Variants in SHANK2 observed in about 807,000 individuals in gnomAD.
SHANK2 encodes the protein SH3 and multiple ankyrin repeat domains 2.
In SHANK2, 43 loss-of-function variants were observed where a neutral mutation model predicts 133.7. The ratio of observed to expected loss-of-function variants is 0.32; its 90% CI spans 0.25 to 0.41. SHANK2 has a LOEUF of 0.41. SHANK2 is among the 10% of genes least tolerant of loss of function. SHANK2 has a pLI of 1.00. For missense variants in SHANK2, 1,994 were observed against 2,235.8 expected (o/e 0.89, Z 2.18); for synonymous variants, 1,017 against 952.8 (o/e 1.07, Z -1.24).
At chr11:70,891,868 A>G (rs1270449423) in intron 11 of SHANK2, among the ~76,000 whole-genome samples, 2 of 152,198 alleles carry the variant, frequency 1.3e-5, no homozygotes, top group Admixed American at 1.3e-4. Flanking sequence ...TGGGTGAGAA[A>G]TGCCACAGAA....
At chr11:70,698,807 T>C in intron 14 of SHANK2, 44 bp from the exon 15 acceptor site, 1 of 718,212 alleles carries the variant, frequency 1.4e-6, no homozygotes, top group Non-Finnish European at 2.6e-6. Flanking sequence ...AAAGTCATGG[T>C]CCCCGAACGC....
chr11:71,129,223 G>A (rs781845784), intron 3 of SHANK2, among the ~76,000 whole-genome samples: 6 of 152,202 alleles, frequency 3.9e-5, no homozygotes, highest in Admixed American at 2.0e-4. Context: ...ACTTCACAGC[G>A]GGGCTGACGG....
intron 15 of SHANK2, among the ~76,000 whole-genome samples, chr11:70,684,135 G>T (rs1945092620): frequency 6.6e-6 from 1 of 152,022 alleles, no homozygotes; most frequent in African/African-American, 2.4e-5. Context: ...GAGAGACCTG[G>T]GTCCCTGTCC....
chr11:70,504,489 G>A (rs941475881), intron 17 of SHANK2, among the ~76,000 whole-genome samples: 1 of 150,652 alleles, frequency 6.6e-6, no homozygotes, highest in Non-Finnish European at 1.5e-5. Flanking sequence ...CGTGCCAGCT[G>A]CTCTGCAGTC....
chr11:71,087,434 C>T (rs1357300025), intron 8 of SHANK2, among the ~76,000 whole-genome samples: 1 of 152,164 alleles, frequency 6.6e-6, no homozygotes, highest in Admixed American at 6.5e-5. Flanking sequence ...CGGCTGGATT[C>T]AGGACTCTGT....
chr11:70,941,715 G>A (rs1950650700), intron 10 of SHANK2, among the ~76,000 whole-genome samples: 1 of 152,110 alleles, frequency 6.6e-6, no homozygotes, highest in Non-Finnish European at 1.5e-5. Flanking sequence ...CATGAGAAAT[G>A]GAATCAGCCA....
chr11:70,942,115 A>T (rs182053123), intron 10 of SHANK2, among the ~76,000 whole-genome samples: 1 of 152,272 alleles, frequency 6.6e-6, no homozygotes, highest in Non-Finnish European at 1.5e-5. Flanking sequence ...TGAACCCAGG[A>T]GGCGGAGGTT....
chr11:70,609,476 G>C (rs1341246563), intron 17 of SHANK2, among the ~76,000 whole-genome samples: 1 of 152,206 alleles, frequency 6.6e-6, no homozygotes, highest in African/African-American at 2.4e-5. Flanking sequence ...CCACCACACA[G>C]GGAGGCAAAA....
At chr11:70,714,178 T>G (rs1209469419) in intron 14 of SHANK2, among the ~76,000 whole-genome samples, 2 of 152,304 alleles carry the variant, frequency 1.3e-5, no homozygotes, top group East Asian at 3.9e-4. Context: ...CCCTTCCTTC[T>G]TCCCTGTCTG....
chr11:71,073,142 C>CTTTTGTTTT, intron 9 of SHANK2, among the ~76,000 whole-genome samples: 1 of 41,136 alleles, frequency 2.4e-5, no homozygotes, highest in Non-Finnish European at 9.0e-5. Context: ...TTTTCTTTTT[C>CTTTTGTTTT]TTTTCTTTTT....
At chr11:71,196,158 C>G (rs557084402) in intron 2 of SHANK2, among the ~76,000 whole-genome samples, 204 of 152,244 alleles carry the variant, frequency 1.3e-3, no homozygotes, top group Non-Finnish European at 2.5e-3. Context: ...CACTGCACTC[C>G]AACCTGGGCA....
chr11:71,192,337 T>G (rs1253509120), intron 2 of SHANK2, among the ~76,000 whole-genome samples: 1 of 152,228 alleles, frequency 6.6e-6, no homozygotes, highest in Non-Finnish European at 1.5e-5. Flanking sequence ...AACTCTCCAC[T>G]CTGTTCTTCA....
At chr11:70,759,184 C>CCAAAA (rs576572315) in intron 14 of SHANK2, among the ~76,000 whole-genome samples, 64 of 134,112 alleles carry the variant, frequency 4.8e-4, no homozygotes, top group Middle Eastern at 6.0e-3. Flanking sequence ...CCAAACCAAA[C>CCAAAA]CAAAACAAAA....
At chr11:70,568,558 T>G (rs2059997347) in intron 17 of SHANK2, among the ~76,000 whole-genome samples, 1 of 150,198 alleles carries the variant, frequency 6.7e-6, no homozygotes, top group Non-Finnish European at 1.5e-5. Context: ...ACTGTTTGAA[T>G]TTCCCCAAAG....
At chr11:70,863,863 A>G in intron 11 of SHANK2, 1 of 457,740 alleles carries the variant, frequency 2.2e-6, no homozygotes, top group Non-Finnish European at 4.4e-6. Flanking sequence ...GCCACCTGCA[A>G]GCCAGGAGGA....
chr11:71,143,050 A>G (rs1952585562), intron 3 of SHANK2, among the ~76,000 whole-genome samples: 1 of 152,180 alleles, frequency 6.6e-6, no homozygotes, highest in Non-Finnish European at 1.5e-5. Flanking sequence ...GCTGGGCAAC[A>G]TGGTAAAACC....
At chr11:70,524,277 A>AC (rs1554971706) in intron 17 of SHANK2, among the ~76,000 whole-genome samples, 1 of 152,192 alleles carries the variant, frequency 6.6e-6, no homozygotes, top group East Asian at 1.9e-4. Context: ...ATGGGAAAGC[A>AC]CCAGGGGCAG....
chr11:70,908,351 C>G (rs1311690721), intron 10 of SHANK2, among the ~76,000 whole-genome samples: 2 of 152,202 alleles, frequency 1.3e-5, no homozygotes, highest in African/African-American at 4.8e-5. Flanking sequence ...TGCATCCTCC[C>G]ATCCCCCAGC....
At chr11:70,842,520 C>G (rs1948922805) in intron 11 of SHANK2, among the ~76,000 whole-genome samples, 1 of 152,212 alleles carries the variant, frequency 6.6e-6, no homozygotes, top group South Asian at 2.1e-4. Flanking sequence ...CTGCACTTGT[C>G]CCTTTCAGGA....
Sources: gnomAD v4.1 joint callset for allele counts (sites outside exome capture counted in the v4.1 genomes callset) on GRCh38, gnomAD v4.1.1 for gene constraint, MANE v1.5 for transcripts, NCBI Gene and HGNC (gene_info 2026-07-23, HGNC 2026-07-21) for gene names.